SPAG16: variants seen among roughly 807,000 people sequenced by gnomAD.
SPAG16 encodes sperm associated antigen 16.
Under a neutral mutation model 80.4 loss-of-function variants are expected in SPAG16, and 86 were observed. The observed-to-expected ratio is 1.07, with a 90% CI of 0.90 to 1.28. The LOEUF (loss-of-function observed/expected upper bound fraction) is 1.28. Among genes scored for constraint, SPAG16 ranks in the 50% most tolerant of loss-of-function variants. SPAG16 has a pLI of 0.00. For missense variants in SPAG16, 870 were observed against 765.3 expected (o/e 1.14, Z -1.61); for synonymous variants, 294 against 265.9 (o/e 1.11, Z -1.03).
chr2:213,492,602 C>T (rs535318989), intron 10 of SPAG16, among the ~76,000 whole-genome samples: 2 of 150,268 alleles, frequency 1.3e-5, no homozygotes, highest in South Asian at 4.2e-4. Context: ...CCTCTACAGA[C>T]ATACACATAC....
chr2:213,910,158 T>C (rs902361789), intron 11 of SPAG16, among the ~76,000 whole-genome samples: 1 of 152,206 alleles, frequency 6.6e-6, no homozygotes, highest in Admixed American at 6.5e-5. Flanking sequence ...AACAGAACAT[T>C]GTGACTAATA....
intron 13 of SPAG16, among the ~76,000 whole-genome samples, chr2:214,038,664 G>A (rs933791834): frequency 4.6e-5 from 7 of 151,688 alleles, no homozygotes; most frequent in South Asian, 2.1e-4. Flanking sequence ...TTAACATTAG[G>A]TATATCTCCA....
chr2:214,371,465 G>C (rs1699808360), intron 15 of SPAG16, among the ~76,000 whole-genome samples: 1 of 148,080 alleles, frequency 6.8e-6, no homozygotes, highest in African/African-American at 2.5e-5. Context: ...CCGGGAGGCA[G>C]AGGTTGAGGT....
intron 3 of SPAG16, among the ~76,000 whole-genome samples, chr2:213,299,499 C>A (rs1161186467): frequency 6.6e-6 from 1 of 151,430 alleles, no homozygotes; most frequent in South Asian, 2.1e-4. Flanking sequence ...AGGTTGGTCT[C>A]GATCTCCTGA....
chr2:214,019,404 C>T (rs2047745751), intron 13 of SPAG16, among the ~76,000 whole-genome samples: 1 of 152,088 alleles, frequency 6.6e-6, no homozygotes, highest in Non-Finnish European at 1.5e-5. Context: ...GACATTTTGT[C>T]TCTTGCCATG....
chr2:214,155,322 C>A (rs1331988163), intron 15 of SPAG16, among the ~76,000 whole-genome samples: 1 of 152,156 alleles, frequency 6.6e-6, no homozygotes, highest in Non-Finnish European at 1.5e-5. Context: ...CCTTACAATT[C>A]AAAAAGACAG....
At chr2:213,835,321 T>G (rs1203486924) in intron 10 of SPAG16, among the ~76,000 whole-genome samples, 2 of 152,332 alleles carry the variant, frequency 1.3e-5, no homozygotes, top group East Asian at 3.8e-4. Flanking sequence ...GAGTTCCATG[T>G]AAGTTACAGA....
intron 10 of SPAG16, among the ~76,000 whole-genome samples, chr2:213,532,211 C>T (rs894050362): frequency 5.9e-5 from 9 of 152,160 alleles, no homozygotes; most frequent in African/African-American, 1.7e-4. Flanking sequence ...GATATGATTT[C>T]TTTTTTAAAA....
intron 10 of SPAG16, among the ~76,000 whole-genome samples, chr2:213,708,865 G>A (rs1045422427): frequency 5.3e-5 from 8 of 152,124 alleles, no homozygotes; most frequent in African/African-American, 1.4e-4. Flanking sequence ...AACAGAAGGG[G>A]ATAGTTCATG....
chr2:214,024,537 A>G (rs1202253658), intron 13 of SPAG16, among the ~76,000 whole-genome samples: 6 of 151,638 alleles, frequency 4.0e-5, no homozygotes, highest in Non-Finnish European at 8.9e-5. Context: ...ATGAATTGTA[A>G]AACATAATTA....
At chr2:213,771,492 A>G (rs1489768151) in intron 10 of SPAG16, among the ~76,000 whole-genome samples, 1 of 151,964 alleles carries the variant, frequency 6.6e-6, no homozygotes, top group Non-Finnish European at 1.5e-5. Context: ...TTTTGTTGCA[A>G]TTGCTTCTGG....
chr2:213,953,357 T>C (rs928149260), intron 12 of SPAG16, among the ~76,000 whole-genome samples: 13 of 151,880 alleles, frequency 8.6e-5, no homozygotes, highest in Non-Finnish European at 1.9e-4. Context: ...TTTTAAAGAA[T>C]AAATAGGTTG....
At chr2:213,710,498 A>G (rs1489865902) in intron 10 of SPAG16, among the ~76,000 whole-genome samples, 1 of 152,230 alleles carries the variant, frequency 6.6e-6, no homozygotes, top group Non-Finnish European at 1.5e-5. Flanking sequence ...TTCAATGTTC[A>G]TATTCAAAAA....
In SPAG16 at chr2:214,149,245, G is replaced by T. The variant is rs1037134648; in HGVS notation, c.1699G>T (p.Glu567Ter). The T allele has an allele frequency of 6.3e-7, 1 of 1,579,834 alleles. No individual in the cohort carries two copies. The highest frequency in any genetic ancestry group is 8.6e-7 in the Non-Finnish European group (1 of 1,163,278). The change falls in exon 15 of 16, where the codon GAG (glutamate) becomes TAG (stop). Residue 567 changes from glutamate (E) to a stop codon, truncating the protein, a stop_gained. Coordinates refer to ENST00000331683, the MANE Select transcript of SPAG16 (RefSeq NM_024532.5). LOFTEE classifies it high-confidence loss of function. ...CGATATAGGTCCAAGTCCTGGCAAT[G>T]AGGTGAATTTTGATTCATCAGGTAG... ...SIDIGPSPGN[E>*]VNFDSSGRVL...
intron 15 of SPAG16, among the ~76,000 whole-genome samples, chr2:214,180,607 G>C (rs575707040): frequency 1.3e-5 from 2 of 151,324 alleles, no homozygotes; most frequent in Admixed American, 6.6e-5. Flanking sequence ...TAAAAACAAG[G>C]TAGCATTCAG....
chr2:214,181,458 A>G (rs1291932107), intron 15 of SPAG16, among the ~76,000 whole-genome samples: 1 of 151,682 alleles, frequency 6.6e-6, no homozygotes, highest in African/African-American at 2.4e-5. Flanking sequence ...CCTATCTTAT[A>G]AGCAGTCCTT....
intron 10 of SPAG16, among the ~76,000 whole-genome samples, chr2:213,634,467 C>T (rs748211408): frequency 6.6e-6 from 1 of 152,168 alleles, no homozygotes; most frequent in Non-Finnish European, 1.5e-5. Flanking sequence ...GCCACAGTTA[C>T]AGTGTTATAA....
intron 12 of SPAG16, among the ~76,000 whole-genome samples, chr2:213,934,971 G>A (rs1470157623): frequency 6.6e-6 from 1 of 152,110 alleles, no homozygotes; most frequent in Admixed American, 6.6e-5. Flanking sequence ...GGGAGGCTGA[G>A]GCAGGCCGAT....
chr2:213,835,657 T>C (rs370191865), intron 10 of SPAG16, among the ~76,000 whole-genome samples: 8 of 152,172 alleles, frequency 5.3e-5, no homozygotes, highest in African/African-American at 1.9e-4. Flanking sequence ...AATGGGAGAT[T>C]TATGCTCTAA....
Sources: gnomAD v4.1 joint callset for allele counts (sites outside exome capture counted in the v4.1 genomes callset) on GRCh38, gnomAD v4.1.1 for gene constraint, MANE v1.5 for transcripts, NCBI Gene and HGNC (gene_info 2026-07-23, HGNC 2026-07-21) for gene names.